LDAH: variants seen among roughly 807,000 people sequenced by gnomAD.
LDAH encodes lipid droplet-associated hydrolase.
LDAH carries 26 observed loss-of-function variants against 29.6 expected under a neutral mutation model. The observed-to-expected ratio is 0.88, with a 90% CI of 0.64 to 1.22. LDAH has a LOEUF of 1.22. Among genes scored for constraint, LDAH ranks in the 50% most tolerant of loss-of-function variants. The pLI is 0.00. For synonymous variants in LDAH, 117 were observed against 133.0 expected, an observed-to-expected ratio of 0.88 and a Z score of 0.83; for missense variants, 344 against 387.3, an observed-to-expected ratio of 0.89 and a Z score of 0.94.
At chr2:20,803,615 G>T (rs1438176200) in intron 1 of LDAH, among the ~76,000 whole-genome samples, 1 of 152,124 alleles carries the variant, frequency 6.6e-6, no homozygotes. Context: ...GCACTGCCCT[G>T]ATTCCCTCTG....
At position 20,686,822 on chromosome 2, in the gene LDAH, A is replaced by G; in HGVS notation, c.*81T>C. 3 of 1,293,146 alleles carry G rather than the reference A, an allele frequency of 2.3e-6. No individual in the cohort carries two copies. The South Asian group carries it at 4.5e-5, about 19-fold the overall frequency. 80.1% of individuals were successfully genotyped at this position (1,293,146 alleles called of 1,614,324 possible). A position where few individuals can be genotyped will look rare whatever the true frequency, so the allele number is the denominator to read the frequency against. On this transcript the variant is annotated 3_prime_UTR_variant, in exon 7 of 7. Transcript: ENST00000237822. ...TTCTTCATTTCTAATATCAGTCTTC[A>G]AAATTAAACATTTACCTACTAAGTC... is the stretch of plus-strand genomic sequence containing the variant.
chr2:20,758,654 G>A (rs532084565), intron 4 of LDAH, among the ~76,000 whole-genome samples: 1 of 152,226 alleles, frequency 6.6e-6, no homozygotes, highest in Non-Finnish European at 1.5e-5. Context: ...AGGAAGGACA[G>A]AGTAAAAATG....
chr2:20,779,844 A>C (rs1403453711), intron 3 of LDAH, among the ~76,000 whole-genome samples: 4 of 152,220 alleles, frequency 2.6e-5, no homozygotes, highest in Non-Finnish European at 5.9e-5. Flanking sequence ...TAGATATCTT[A>C]CACCTATTTT....
intron 4 of LDAH, among the ~76,000 whole-genome samples, chr2:20,749,206 A>G (rs1667786700): frequency 6.6e-6 from 1 of 152,184 alleles, no homozygotes; most frequent in African/African-American, 2.4e-5. Context: ...AATGAAGAGT[A>G]AAATAGAAAC....
chr2:20,770,269 T>C (rs1169601576), intron 4 of LDAH, among the ~76,000 whole-genome samples: 1 of 152,146 alleles, frequency 6.6e-6, no homozygotes, highest in Non-Finnish European at 1.5e-5. Context: ...ACATTTTTGC[T>C]AACCAGAAGA....
At chr2:20,786,315 G>GAT (rs1670549583) in intron 3 of LDAH, among the ~76,000 whole-genome samples, 1 of 151,934 alleles carries the variant, frequency 6.6e-6, no homozygotes, top group South Asian at 2.1e-4. Context: ...TCAACCTCCC[G>GAT]AGTAGCTGGG....
In LDAH at chr2:20,695,116, G is replaced by A. The variant is rs528044113; in HGVS notation, c.786+6454C>T. 3.9e-5 allele frequency among the ~76,000 whole-genome samples: 6 copies of A among 152,350 alleles called. No individual in the cohort carries two copies. In the South Asian group the frequency reaches 1.2e-3, roughly 32 times the overall value. On this transcript the variant is annotated intron_variant, in intron 6 of 6. Coordinates refer to ENST00000237822, the MANE Select transcript of LDAH (RefSeq NM_021925.4). ...TAAGTCCAGTTCATCAGACTTCTCTGGACTAGAATAATGGGCCCAAGCCTT... is the reference window on the plus strand; with the variant it reads ...TAAGTCCAGTTCATCAGACTTCTCTAGACTAGAATAATGGGCCCAAGCCTT...
intron 5 of LDAH, among the ~76,000 whole-genome samples, chr2:20,733,639 AGT>A (rs1666573595): frequency 6.6e-6 from 1 of 151,964 alleles, no homozygotes; most frequent in Non-Finnish European, 1.5e-5. Context: ...CCTGGACTCA[AGT>A]GATCTGCCTA....
At chr2:20,797,410 G>A (rs1219986093) in intron 2 of LDAH, among the ~76,000 whole-genome samples, 1 of 152,164 alleles carries the variant, frequency 6.6e-6, no homozygotes, top group Non-Finnish European at 1.5e-5. Context: ...AACAATAAAA[G>A]AAAGAGCTTC....
intron 2 of LDAH, among the ~76,000 whole-genome samples, chr2:20,794,802 C>A (rs1471287060): frequency 1.3e-5 from 2 of 152,158 alleles, no homozygotes; most frequent in Non-Finnish European, 1.5e-5. Flanking sequence ...CACCAAGCAG[C>A]ACTAGATTGG....
chr2:20,804,460 T>G (rs1671927750), intron 1 of LDAH, among the ~76,000 whole-genome samples: 1 of 152,214 alleles, frequency 6.6e-6, no homozygotes, highest in African/African-American at 2.4e-5. Context: ...GATAGATGAA[T>G]GCTTAATTAT....
intron 2 of LDAH, among the ~76,000 whole-genome samples, chr2:20,796,809 T>C (rs1316525588): frequency 6.6e-6 from 1 of 152,148 alleles, no homozygotes; most frequent in Non-Finnish European, 1.5e-5. Flanking sequence ...ACCACAGGCC[T>C]AGTATCTTTT....
At chr2:20,721,534 G>A (rs1387636651) in intron 5 of LDAH, among the ~76,000 whole-genome samples, 1 of 151,134 alleles carries the variant, frequency 6.6e-6, no homozygotes, top group Non-Finnish European at 1.5e-5. Flanking sequence ...AAAATCTATG[G>A]AAATAAAACA....
In LDAH at chr2:20,709,176, C is replaced by T. The variant is rs976731627; in HGVS notation, c.704-7524G>A. Among the ~76,000 whole-genome samples the T allele has an allele frequency of 2.6e-5, 4 of 152,272 alleles. No individual in the cohort carries two copies. In the East Asian group the frequency reaches 7.7e-4, roughly 29 times the overall value. ...AATGGGTTGCAGTCAAAACTTTCTT[C>T]ATGCACAAAATTAAAAATATTGTGC... On this transcript the variant is annotated intron_variant, in intron 5 of 6. Transcript: ENST00000237822.
chr2:20,726,703 G>A lies in LDAH; in HGVS notation c.703+13268C>T, dbSNP rs370002294. ...TCTGCATAATTTGGAGAAATGTTTC[G>A]TAGTCAACATAGTTTATTATGTATT... is the stretch of plus-strand genomic sequence containing the variant. On this transcript the variant is annotated intron_variant, in intron 5 of 6. Coordinates refer to ENST00000237822, the MANE Select transcript of LDAH (RefSeq NM_021925.4). Among the ~76,000 whole-genome samples, 15 of 152,198 alleles carry A rather than the reference G, an allele frequency of 9.9e-5. No homozygotes were observed. In the South Asian group the frequency reaches 2.5e-3, roughly 25 times the overall value.
At chr2:20,743,179 G>C (rs1385030013) in intron 4 of LDAH, among the ~76,000 whole-genome samples, 2 of 151,730 alleles carry the variant, frequency 1.3e-5, no homozygotes, top group Non-Finnish European at 2.9e-5. Context: ...GCCTTTTGTG[G>C]TTTTAATTGA....
chr2:20,753,699 A>C (rs660069), intron 4 of LDAH, among the ~76,000 whole-genome samples: 57,296 of 152,022 alleles, frequency 0.38, 11,781 homozygotes, highest in South Asian at 0.64. Flanking sequence ...AGGCATACTC[A>C]CGGCCTTAAA....
In LDAH at chr2:20,685,038, A is replaced by G; in HGVS notation, c.*1865T>C. ...CCCTCTCTTGCCCAACACAGAGATC[A>G]GGCCAGACCAGGTCAGAAATGCTGG... is the stretch of plus-strand genomic sequence containing the variant. On this transcript the variant is annotated 3_prime_UTR_variant, in exon 7 of 7. Coordinates refer to ENST00000237822, the MANE Select transcript of LDAH (RefSeq NM_021925.4). 1 of 1,266,692 alleles carries G rather than the reference A, an allele frequency of 7.9e-7. No homozygotes were observed. The highest frequency in any genetic ancestry group is 1.1e-6 in the Non-Finnish European group (1 of 948,312). 78.5% of individuals were successfully genotyped at this position (1,266,692 alleles called of 1,614,324 possible).
At chr2:20,748,286 T>C (rs996339761) in intron 4 of LDAH, among the ~76,000 whole-genome samples, 1 of 152,024 alleles carries the variant, frequency 6.6e-6, no homozygotes, top group African/African-American at 2.4e-5. Flanking sequence ...TTTAATTACC[T>C]GAATGTGAAA....
Sources: gnomAD v4.1 joint callset for allele counts (sites outside exome capture counted in the v4.1 genomes callset) on GRCh38, gnomAD v4.1.1 for gene constraint, MANE v1.5 for transcripts, NCBI Gene and HGNC (gene_info 2026-07-23, HGNC 2026-07-21) for gene names.